The following UNC5B variants were observed in gnomAD, a reference collection of about 807,000 sequenced individuals.
UNC5B encodes the protein unc-5 netrin receptor B, also known as netrin receptor UNC5B.
Under a neutral mutation model 103.7 loss-of-function variants are expected in UNC5B, and 56 were observed. The observed-to-expected ratio is 0.54, with a 90% CI of 0.44 to 0.67. UNC5B has a LOEUF of 0.67. UNC5B is among the 30% of genes least tolerant of loss of function. The pLI, the probability that UNC5B is intolerant of heterozygous loss-of-function variation, is 0.00. For missense variants in UNC5B, 1,194 were observed against 1,284.5 expected (o/e 0.93, Z 1.08); for synonymous variants, 577 against 542.0 (o/e 1.06, Z -0.90).
At chr10:71,226,266 G>A (rs1462606630) in intron 1 of UNC5B, among the ~76,000 whole-genome samples, 1 of 152,096 alleles carries the variant, frequency 6.6e-6, no homozygotes, top group Non-Finnish European at 1.5e-5. Flanking sequence ...GTAGAGATGG[G>A]GTTTCACCAA....
chr10:71,261,817 TG>T (rs1051529395), intron 1 of UNC5B, among the ~76,000 whole-genome samples: 5 of 152,170 alleles, frequency 3.3e-5, no homozygotes, highest in African/African-American at 1.2e-4. Flanking sequence ...ATAGGGGTAA[TG>T]GTACCTGTCC....
chr10:71,263,543 T>C (rs888281045), intron 1 of UNC5B, among the ~76,000 whole-genome samples: 21 of 151,974 alleles, frequency 1.4e-4, no homozygotes, highest in African/African-American at 5.1e-4. Context: ...CTGAGCTAGA[T>C]AGAGCCAGCC....
intron 1 of UNC5B, among the ~76,000 whole-genome samples, chr10:71,260,534 C>CA (rs1175251276): frequency 6.6e-6 from 1 of 152,224 alleles, no homozygotes; most frequent in African/African-American, 2.4e-5. Context: ...GTCTTCCCTG[C>CA]AGGGCCTCTG....
In UNC5B at chr10:71,299,515, A is replaced by G. The variant is rs1430628778; in HGVS notation, c.*238A>G. Reference sequence around the variant, plus strand: ...CCCGCTCTCTCTCTCTTGGCCTGAGATCTCTGTGCAGGAACCAAGATGGGG... The same window carrying G: ...CCCGCTCTCTCTCTCTTGGCCTGAGGTCTCTGTGCAGGAACCAAGATGGGG... On this transcript the variant is annotated 3_prime_UTR_variant, in exon 17 of 17. Transcript: ENST00000335350. 4.1e-6 allele frequency: 2 copies of G among 493,334 alleles called. No homozygotes were observed. The highest frequency in any genetic ancestry group is 7.2e-6 in the Non-Finnish European group (2 of 277,892). The allele number at this position is 493,334 out of a possible 1,614,324, so 30.6% of individuals were successfully genotyped here.
chr10:71,289,154 A>G (rs532576050), intron 8 of UNC5B, among the ~76,000 whole-genome samples, 164 bp downstream of exon 8: 9 of 152,126 alleles, frequency 5.9e-5, no homozygotes, highest in African/African-American at 1.7e-4. Context: ...CATCTCCATC[A>G]CCGGCAGACA....
In UNC5B at chr10:71,291,686, C is replaced by T. The variant is rs376922648; in HGVS notation, c.1549C>T (p.Arg517Trp). The stretch of plus-strand genomic sequence containing the variant: ...TGGCACATACCCTAGCGATTTCGCC[C>T]GGGACACCCACTTCCTGCACCTGCG... ...PPGTYPSDFA[R>W]DTHFLHLRSA... Residue 517 changes from arginine to tryptophan, a missense_variant, in exon 10 of 17, where the codon CGG (arginine) becomes TGG (tryptophan). Coordinates refer to ENST00000335350, the MANE Select transcript of UNC5B (RefSeq NM_170744.5). 3.5e-5 allele frequency: 56 copies of T among 1,613,488 alleles called. No individual in the cohort carries two copies. Among genetic ancestry groups the T allele is most frequent in the African/African-American group, 8.0e-5 (6 of 75,066 alleles).
chr10:71,284,994 C>G, intron 3 of UNC5B, 131 bp downstream of exon 3: 1 of 1,332,632 alleles, frequency 7.5e-7, no homozygotes, highest in Non-Finnish European at 1.0e-6. Context: ...GCAGAGACAT[C>G]CCAGCACATG....
chr10:71,300,733 C>G lies in UNC5B; in HGVS notation c.*1456C>G, dbSNP rs1845568352. 6.6e-6 allele frequency: 1 copy of G among 152,358 alleles called. No individual in the cohort carries two copies. Among genetic ancestry groups the G allele is most frequent in the South Asian group, 2.1e-4 (1 of 4,840 alleles). The allele number at this position is 152,358 out of a possible 1,614,324, so 9.4% of individuals were successfully genotyped here. Reference sequence around the variant, plus strand: ...CTGAGCTTCCCGGTGTCAGTCAGCTCTGCAACGTGGGAGCCTTGGAGGCGG... The same window carrying G: ...CTGAGCTTCCCGGTGTCAGTCAGCTGTGCAACGTGGGAGCCTTGGAGGCGG... On this transcript the variant is annotated 3_prime_UTR_variant, in exon 17 of 17. Coordinates refer to ENST00000335350, the MANE Select transcript of UNC5B (RefSeq NM_170744.5).
chr10:71,293,625 G>T (rs766303150), intron 12 of UNC5B, 52 bp downstream of exon 12: 1 of 1,609,524 alleles, frequency 6.2e-7, no homozygotes, highest in African/African-American at 1.3e-5. Flanking sequence ...GCCCAGGGAG[G>T]CAAAAGAAAG....
chr10:71,247,510 C>T (rs550604125), intron 1 of UNC5B, among the ~76,000 whole-genome samples: 2 of 152,328 alleles, frequency 1.3e-5, no homozygotes, highest in South Asian at 4.1e-4. Flanking sequence ...CGCTGTTGGA[C>T]AGGCTCCCAG....
At chr10:71,250,572 G>A (rs1394866211) in intron 1 of UNC5B, among the ~76,000 whole-genome samples, 2 of 152,156 alleles carry the variant, frequency 1.3e-5, no homozygotes, top group East Asian at 1.9e-4. Flanking sequence ...ACTTCCCAGG[G>A]TGTAGTGTTG....
At position 71,264,822 on chromosome 10, in the gene UNC5B, A is replaced by G. The variant is rs78711907; in HGVS notation, c.80-14999A>G. Among the ~76,000 whole-genome samples the G allele has an allele frequency of 4.8e-3, 732 of 152,208 alleles. 5 individuals are homozygous for G. The highest frequency in any genetic ancestry group is 0.031 in the Middle Eastern group (9 of 294). The stretch of plus-strand genomic sequence containing the variant: ...TGGTGCAGGCCATGGTTTGAGTACC[A>G]CTGGCACCAAGGTTAAAGAGGATGG... On this transcript the variant is annotated intron_variant, in intron 1 of 16. Transcript: ENST00000335350.
chr10:71,253,114 C>T (rs1313477852), intron 1 of UNC5B, among the ~76,000 whole-genome samples: 3 of 152,212 alleles, frequency 2.0e-5, no homozygotes, highest in African/African-American at 7.2e-5. Flanking sequence ...CATTTCCACA[C>T]TTCACCTCCT....
intron 1 of UNC5B, among the ~76,000 whole-genome samples, chr10:71,265,562 C>T (rs74620331): frequency 1.8e-3 from 267 of 152,294 alleles, no homozygotes; most frequent in Admixed American, 4.6e-3. Flanking sequence ...ATCCCCAGAC[C>T]CTGGGCTCAT....
At position 71,293,864 on chromosome 10, in the gene UNC5B, C is replaced by A; in HGVS notation, c.2106C>A (p.Pro702=). The A allele has an allele frequency of 6.2e-7, 1 of 1,608,758 alleles. No homozygotes were observed. Among genetic ancestry groups the A allele is most frequent in the Non-Finnish European group, 8.5e-7 (1 of 1,179,768 alleles). ...GGCTCCAGCTGGCCGTCTTCGCCCC[C>A]GCCCTCTGCACCTCCCTGGAGTACA... is the stretch of plus-strand genomic sequence containing the variant. ...VKRLQLAVFA[P]ALCTSLEYSL... The change falls in exon 13 of 17, where the codon CCC becomes CCA. Residue 702 remains proline (P), a synonymous_variant. Transcript: ENST00000335350.
At chr10:71,269,488 A>C (rs1564724552) in intron 1 of UNC5B, among the ~76,000 whole-genome samples, 1 of 151,916 alleles carries the variant, frequency 6.6e-6, no homozygotes. Flanking sequence ...TGGTCTGTGA[A>C]GTTCCATCAG....
chr10:71,235,038 G>A (rs984650785), intron 1 of UNC5B, among the ~76,000 whole-genome samples: 6 of 152,110 alleles, frequency 3.9e-5, no homozygotes, highest in Admixed American at 1.3e-4. Context: ...CTCCTCCCCC[G>A]GCCTGGCTGC....
chr10:71,265,610 A>G (rs78221800), intron 1 of UNC5B, among the ~76,000 whole-genome samples: 2,885 of 152,284 alleles, frequency 0.019, 79 homozygotes, highest in African/African-American at 0.066. Context: ...GGCAGCTTCC[A>G]GGAACATGTC....
Position 71,217,710 on chromosome 10 carries a change from T to G in UNC5B, c.79+4646T>G, listed in dbSNP as rs377208734. On this transcript the variant is annotated intron_variant, in intron 1 of 16. Transcript: ENST00000335350. ...TCCCCGCTCCCCCACCCCCACCCCT[T>G]TTGTTTCCTCTTCCTTCTCTCCAAA... is the stretch of plus-strand genomic sequence containing the variant. 294 of 149,458 alleles carry G rather than the reference T, an allele frequency of 2.0e-3. 2 individuals carry two copies. Among genetic ancestry groups the G allele is most frequent in the African/African-American group, 6.7e-3 (275 of 40,900 alleles). The allele number at this position is 149,458 out of a possible 1,614,324, so 9.3% of individuals were successfully genotyped here. A position where few individuals can be genotyped will look rare whatever the true frequency, so the allele number is the denominator to read the frequency against.
Sources: allele counts gnomAD v4.1 joint callset (sites outside exome capture counted in the v4.1 genomes callset), GRCh38; gene constraint gnomAD v4.1.1; transcripts MANE v1.5; gene names NCBI Gene and HGNC (gene_info 2026-07-23, HGNC 2026-07-21).